The following KCNJ6 variants were observed in gnomAD, a reference collection of about 807,000 sequenced individuals.
KCNJ6 encodes the protein potassium inwardly rectifying channel subfamily J member 6, also known as G protein-activated inward rectifier potassium channel 2.
Under a neutral mutation model 34.2 loss-of-function variants are expected in KCNJ6, and 9 were observed. That is an observed-to-expected ratio of 0.26 (90% CI 0.16 to 0.46). The LOEUF (loss-of-function observed/expected upper bound fraction) is 0.46, where lower values mean the gene tolerates loss of function less well. Ranked by LOEUF, KCNJ6 falls within the 20% of genes least tolerant of loss-of-function variation. The pLI is 1.00. For missense variants in KCNJ6, 236 were observed against 531.3 expected, an observed-to-expected ratio of 0.44 and a Z score of 5.46; for synonymous variants, 196 against 207.1, an observed-to-expected ratio of 0.95 and a Z score of 0.46.
chr21:37,784,156 T>C (rs1300116483), intron 2 of KCNJ6, among the ~76,000 whole-genome samples: 11 of 152,124 alleles, frequency 7.2e-5, no homozygotes, highest in Non-Finnish European at 1.6e-4. Flanking sequence ...TTTCCTGTGG[T>C]CTCTCATGCT....
chr21:37,794,337 C>A lies in KCNJ6; in HGVS notation c.25+46321G>T, dbSNP rs149845452. 2.6e-5 allele frequency among the ~76,000 whole-genome samples: 4 copies of A among 152,296 alleles called. No individual in the cohort carries two copies. In the South Asian group the frequency reaches 6.2e-4, roughly 24 times the overall value. On this transcript the variant is annotated intron_variant, in intron 2 of 3. Coordinates refer to ENST00000609713, the MANE Select transcript of KCNJ6 (RefSeq NM_002240.5). ...GATCTTCCACTTCTTAGCTGTCTAA[C>A]CTTGAGACAATTCCTTAACCCCTCA...
At chr21:37,793,036 C>T (rs986496077) in intron 2 of KCNJ6, among the ~76,000 whole-genome samples, 1 of 152,154 alleles carries the variant, frequency 6.6e-6, no homozygotes, top group Non-Finnish European at 1.5e-5. Flanking sequence ...GGCTTGTCAA[C>T]TCCATGTTGA....
chr21:37,684,988 T>C (rs1242291323), intron 3 of KCNJ6, among the ~76,000 whole-genome samples: 1 of 151,984 alleles, frequency 6.6e-6, no homozygotes, highest in African/African-American at 2.4e-5. Context: ...AACAAAAAAA[T>C]CAATAAGACA....
chr21:37,794,773 T>C (rs1213589117), intron 2 of KCNJ6, among the ~76,000 whole-genome samples: 2 of 152,102 alleles, frequency 1.3e-5, no homozygotes, highest in Admixed American at 6.5e-5. Context: ...AAATACCTAA[T>C]GCATGTGGGG....
chr21:37,845,481 A>G (rs1439513702), intron 1 of KCNJ6, among the ~76,000 whole-genome samples: 2 of 152,008 alleles, frequency 1.3e-5, no homozygotes, highest in Non-Finnish European at 2.9e-5. Context: ...CTTCTTATTC[A>G]CTCATTAACT....
intron 1 of KCNJ6, among the ~76,000 whole-genome samples, chr21:37,910,447 G>A (rs1169138975): frequency 6.6e-6 from 1 of 152,196 alleles, no homozygotes; most frequent in Non-Finnish European, 1.5e-5. Flanking sequence ...AGAGGAAACT[G>A]CCACAGGATT....
intron 1 of KCNJ6, among the ~76,000 whole-genome samples, chr21:37,860,671 C>T (rs1223973938): frequency 6.6e-6 from 1 of 152,116 alleles, no homozygotes; most frequent in Non-Finnish European, 1.5e-5. Context: ...CCAGTCCTTC[C>T]CCGGGGCCAT....
At chr21:37,747,831 C>T (rs1187621231) in intron 2 of KCNJ6, among the ~76,000 whole-genome samples, 1 of 152,214 alleles carries the variant, frequency 6.6e-6, no homozygotes, top group Non-Finnish European at 1.5e-5. Context: ...CCAGTGAGAC[C>T]TGAGTTAGAC....
intron 1 of KCNJ6, among the ~76,000 whole-genome samples, chr21:37,848,027 G>A (rs2123587173): frequency 6.6e-6 from 1 of 152,352 alleles, no homozygotes; most frequent in East Asian, 1.9e-4. Context: ...AAGGCTTGGT[G>A]TGAGAAGAAG....
At chr21:37,866,542 G>A (rs1265103640) in intron 1 of KCNJ6, among the ~76,000 whole-genome samples, 1 of 152,226 alleles carries the variant, frequency 6.6e-6, no homozygotes, top group Non-Finnish European at 1.5e-5. Context: ...CCTGGCCGGA[G>A]CTGGACAGTG....
intron 2 of KCNJ6, among the ~76,000 whole-genome samples, chr21:37,831,062 C>G (rs1363782845): frequency 3.3e-5 from 5 of 152,126 alleles, no homozygotes; most frequent in Admixed American, 3.3e-4. Context: ...GGAAGCCCCC[C>G]TTGCATGGAG....
intron 2 of KCNJ6, among the ~76,000 whole-genome samples, chr21:37,826,102 C>T (rs1485742944): frequency 6.6e-6 from 1 of 152,070 alleles, no homozygotes; most frequent in Non-Finnish European, 1.5e-5. Flanking sequence ...TCTCCAAGGC[C>T]CAGCTTTCTC....
At chr21:37,676,187 G>A (rs2054563927) in intron 3 of KCNJ6, among the ~76,000 whole-genome samples, 2 of 152,086 alleles carry the variant, frequency 1.3e-5, no homozygotes, top group East Asian at 1.9e-4. Context: ...AGAAAGGGAG[G>A]TGGCAAGTCT....
chr21:37,721,245 A>G (rs1037845133), intron 2 of KCNJ6, among the ~76,000 whole-genome samples: 1 of 152,238 alleles, frequency 6.6e-6, no homozygotes, highest in Admixed American at 6.5e-5. Flanking sequence ...CACATCTATT[A>G]GATGGTTATT....
At chr21:37,670,229 C>T (rs1199299602) in intron 3 of KCNJ6, among the ~76,000 whole-genome samples, 1 of 152,132 alleles carries the variant, frequency 6.6e-6, no homozygotes, top group Non-Finnish European at 1.5e-5. Context: ...AGATGTCCAT[C>T]CTTATGCCTT....
At position 37,712,573 on chromosome 21, in the gene KCNJ6, CTT is replaced by C. The variant is rs1569450129; in HGVS notation, c.946+1636_946+1637del. ...CCCTCCCTCCTCCCCTTCTCCTCCT[CTT>C]CTTCCTCCCTTTCTCTTCCCTCCCT... On this transcript the variant is annotated intron_variant, in intron 3 of 3. Coordinates refer to ENST00000609713, the MANE Select transcript of KCNJ6 (RefSeq NM_002240.5). 7.7e-4 allele frequency among the ~76,000 whole-genome samples: 73 copies of C among 94,630 alleles called. 16 individuals are homozygous for C. Among genetic ancestry groups the C allele is most frequent in the African/African-American group, 2.5e-3 (56 of 22,232 alleles). 62.1% of individuals were successfully genotyped at this position (94,630 alleles called of 152,430 possible). A position where few individuals can be genotyped will look rare whatever the true frequency, so the allele number is the denominator to read the frequency against.
chr21:37,619,320 A>G lies in KCNJ6; in HGVS notation c.*5839T>C, dbSNP rs2054282994. 6.6e-6 allele frequency: 1 copy of G among 152,160 alleles called. No homozygotes were observed. Among genetic ancestry groups the G allele is most frequent in the Non-Finnish European group, 1.5e-5 (1 of 68,030 alleles). 9.4% of individuals were successfully genotyped at this position (152,160 alleles called of 1,614,324 possible). On this transcript the variant is annotated 3_prime_UTR_variant, in exon 4 of 4. Transcript: ENST00000609713. ...GCCATTTAATATTGACTCATCTAAA[A>G]ACCCCAAGGTCTGGACTTTTTCCAT...
intron 2 of KCNJ6, among the ~76,000 whole-genome samples, chr21:37,760,960 A>G (rs2055058049): frequency 6.6e-6 from 1 of 152,162 alleles, no homozygotes; most frequent in Non-Finnish European, 1.5e-5. Context: ...CATGTGGATG[A>G]GACAAAGCCA....
At position 37,732,840 on chromosome 21, in the gene KCNJ6, T is replaced by A. The variant is rs1233141301; in HGVS notation, c.26-17709A>T. 2.6e-5 allele frequency among the ~76,000 whole-genome samples: 4 copies of A among 152,138 alleles called. No homozygotes were observed. In the East Asian group the frequency reaches 7.7e-4, roughly 29 times the overall value. On this transcript the variant is annotated intron_variant, in intron 2 of 3. Transcript: ENST00000609713. ...TTGAAGGAGAAAAAAGGGTCCCAGG[T>A]AATTCACCCAGAGCAGTGACCACAT... is the stretch of plus-strand genomic sequence containing the variant.
Sources: allele counts gnomAD v4.1 joint callset (sites outside exome capture counted in the v4.1 genomes callset), GRCh38; gene constraint gnomAD v4.1.1; transcripts MANE v1.5; gene names NCBI Gene and HGNC (gene_info 2026-07-23, HGNC 2026-07-21).